Variants in HS6ST3 observed in about 807,000 individuals in gnomAD.
The protein encoded by HS6ST3 is heparan-sulfate 6-O-sulfotransferase 3.
A neutral mutation model predicts 36.7 loss-of-function variants in HS6ST3; 12 were observed. The ratio of observed to expected loss-of-function variants is 0.33; its 90% CI spans 0.21 to 0.53. The LOEUF is 0.53. HS6ST3 is among the 20% of genes least tolerant of loss of function. The pLI, the probability that HS6ST3 is intolerant of heterozygous loss-of-function variation, is 0.95. For synonymous variants in HS6ST3, 240 were observed against 257.5 expected, an observed-to-expected ratio of 0.93 and a Z score of 0.65; for missense variants, 584 against 640.9, an observed-to-expected ratio of 0.91 and a Z score of 0.96.
intron 1 of HS6ST3, among the ~76,000 whole-genome samples, chr13:96,614,030 G>C (rs1195772491): frequency 6.6e-6 from 1 of 152,180 alleles, no homozygotes; most frequent in East Asian, 1.9e-4. Context: ...CGGGCGCGGT[G>C]GCTCACCCCT....
intron 1 of HS6ST3, among the ~76,000 whole-genome samples, chr13:96,746,153 AAGGGACTAAATCC>A (rs1218678518): frequency 6.6e-6 from 1 of 152,256 alleles, no homozygotes; most frequent in East Asian, 1.9e-4. Context: ...AAGGAAAAGT[AAGGGACTAAATCC>A]AGGCACTTTT....
chr13:96,790,955 A>G (rs1877773400), intron 1 of HS6ST3, among the ~76,000 whole-genome samples: 1 of 152,074 alleles, frequency 6.6e-6, no homozygotes, highest in African/African-American at 2.4e-5. Flanking sequence ...TAGTGTTACA[A>G]GAGAACATAT....
chr13:96,408,437 GCTTTA>G (rs1041705685), intron 1 of HS6ST3, among the ~76,000 whole-genome samples: 1 of 152,118 alleles, frequency 6.6e-6, no homozygotes, highest in African/African-American at 2.4e-5. Context: ...CAATATGGTA[GCTTTA>G]CTTAACTAAC....
In HS6ST3 at chr13:96,573,132, C is replaced by T. The variant is rs540969360; in HGVS notation, c.708-259358C>T. ...AGATGTGTAACATTGAGCAAGCTGC[C>T]TCACCTCTCCGGACCTACTTGGCTG... On this transcript the variant is annotated intron_variant, in intron 1 of 1. Transcript: ENST00000376705. 2.0e-5 allele frequency among the ~76,000 whole-genome samples: 3 copies of T among 152,268 alleles called. No homozygotes were observed. In the South Asian group the frequency reaches 6.2e-4, roughly 32 times the overall value.
At chr13:96,422,008 C>T (rs1747507440) in intron 1 of HS6ST3, among the ~76,000 whole-genome samples, 1 of 152,176 alleles carries the variant, frequency 6.6e-6, no homozygotes, top group African/African-American at 2.4e-5. Flanking sequence ...TAATTATCAC[C>T]TCCTTCTGAA....
chr13:96,622,222 A>G (rs1198454269), intron 1 of HS6ST3, among the ~76,000 whole-genome samples: 2 of 152,150 alleles, frequency 1.3e-5, no homozygotes, highest in Non-Finnish European at 2.9e-5. Flanking sequence ...TTCAAAAAAA[A>G]AAAACAAAGT....
chr13:96,311,085 A>T (rs2139409146), intron 1 of HS6ST3, among the ~76,000 whole-genome samples: 1 of 152,326 alleles, frequency 6.6e-6, no homozygotes, highest in Admixed American at 6.5e-5. Context: ...TACTCTAATG[A>T]ATGAATTTGA....
At chr13:96,217,051 G>A (rs1483110754) in intron 1 of HS6ST3, among the ~76,000 whole-genome samples, 1 of 152,108 alleles carries the variant, frequency 6.6e-6, no homozygotes, top group African/African-American at 2.4e-5. Context: ...TGTGGGTCTG[G>A]AACCTGCTCA....
At chr13:96,780,007 A>G (rs573175767) in intron 1 of HS6ST3, among the ~76,000 whole-genome samples, 1 of 152,252 alleles carries the variant, frequency 6.6e-6, no homozygotes, top group East Asian at 1.9e-4. Context: ...AAGAACTAGG[A>G]CAAGGTAATT....
At chr13:96,604,694 A>C (rs2056432525) in intron 1 of HS6ST3, among the ~76,000 whole-genome samples, 1 of 152,210 alleles carries the variant, frequency 6.6e-6, no homozygotes, top group African/African-American at 2.4e-5. Context: ...AATCTAAAAC[A>C]AGTTGAGCAT....
At chr13:96,371,198 G>A (rs2055288326) in intron 1 of HS6ST3, among the ~76,000 whole-genome samples, 1 of 152,070 alleles carries the variant, frequency 6.6e-6, no homozygotes, top group African/African-American at 2.4e-5. Context: ...GTGAACACAT[G>A]ACATTATCAA....
At chr13:96,790,333 C>T (rs1328991314) in intron 1 of HS6ST3, among the ~76,000 whole-genome samples, 5 of 150,308 alleles carry the variant, frequency 3.3e-5, no homozygotes, top group African/African-American at 7.3e-5. Context: ...ATATACAGCA[C>T]TTATAGTCAT....
intron 1 of HS6ST3, among the ~76,000 whole-genome samples, chr13:96,240,870 G>C (rs1049670495): frequency 1.5e-4 from 23 of 152,230 alleles, no homozygotes; most frequent in Non-Finnish European, 3.4e-4. Flanking sequence ...TCTTAGGCAA[G>C]GCCAGGGGCA....
intron 1 of HS6ST3, among the ~76,000 whole-genome samples, chr13:96,694,840 T>C (rs1268905126): frequency 6.6e-6 from 1 of 152,178 alleles, no homozygotes; most frequent in Non-Finnish European, 1.5e-5. Context: ...ATGTCTTCTT[T>C]TGAAGTCATA....
intron 1 of HS6ST3, among the ~76,000 whole-genome samples, chr13:96,785,508 A>G (rs922445564): frequency 1.3e-5 from 2 of 152,194 alleles, no homozygotes; most frequent in Non-Finnish European, 2.9e-5. Context: ...TCAACCAAAT[A>G]GAATCTGAGC....
intron 1 of HS6ST3, among the ~76,000 whole-genome samples, chr13:96,199,120 A>G (rs1398217247): frequency 1.3e-5 from 2 of 152,058 alleles, no homozygotes; most frequent in Non-Finnish European, 2.9e-5. Context: ...ATAGCGTGGA[A>G]AAGACTGGTC....
chr13:96,343,085 T>C (rs1371329659), intron 1 of HS6ST3, among the ~76,000 whole-genome samples: 2 of 152,228 alleles, frequency 1.3e-5, no homozygotes, highest in Admixed American at 6.5e-5. Flanking sequence ...AATAGGAGTT[T>C]CTGATTCTTC....
chr13:96,642,098 G>T (rs77711562), intron 1 of HS6ST3, among the ~76,000 whole-genome samples: 275 of 151,792 alleles, frequency 1.8e-3, no homozygotes, highest in African/African-American at 6.4e-3. Flanking sequence ...AGTTTTGAAG[G>T]GGGGAGGGAT....
chr13:96,545,162 A>G (rs2056193083), intron 1 of HS6ST3, among the ~76,000 whole-genome samples: 1 of 152,176 alleles, frequency 6.6e-6, no homozygotes, highest in Non-Finnish European at 1.5e-5. Context: ...GGTTCTATGT[A>G]TGACTAAAAT....
Sources: allele counts gnomAD v4.1 joint callset (sites outside exome capture counted in the v4.1 genomes callset), GRCh38; gene constraint gnomAD v4.1.1; transcripts MANE v1.5; gene names NCBI Gene and HGNC (gene_info 2026-07-23, HGNC 2026-07-21).